Variants in LANCL3 observed in about 807,000 individuals in gnomAD.
LANCL3 encodes the protein lanC-like protein 3.
LANCL3 carries 19 observed loss-of-function variants against 26.5 expected under a neutral mutation model. The ratio of observed to expected loss-of-function variants is 0.72; its 90% CI spans 0.50 to 1.05. The LOEUF is 1.05. LANCL3 is among the 50% of genes least tolerant of loss of function. LANCL3 has a pLI of 0.00. For missense variants in LANCL3, 318 were observed against 362.7 expected, an observed-to-expected ratio of 0.88 and a Z score of 1.00; for synonymous variants, 160 against 166.6, an observed-to-expected ratio of 0.96 and a Z score of 0.30.
intron 4 of LANCL3, among the ~76,000 whole-genome samples, chrX:37,670,854 A>G (rs1556435894): frequency 9.0e-6 from 1 of 111,551 alleles, no homozygotes; most frequent in Non-Finnish European, 1.9e-5. Context: ...AACAAATGTC[A>G]TTGGTAAAGT....
chrX:37,643,499 T>G (rs1355323926), intron 1 of LANCL3, among the ~76,000 whole-genome samples: 1 of 112,131 alleles, frequency 8.9e-6, no homozygotes, highest in Admixed American at 9.5e-5. Flanking sequence ...CCAGAGAAGT[T>G]GCATGATTTG....
chrX:37,584,439 A>T (rs1249638641), intron 1 of LANCL3, among the ~76,000 whole-genome samples: 1 of 109,934 alleles, frequency 9.1e-6, no homozygotes, highest in Non-Finnish European at 1.9e-5. Flanking sequence ...CTGTGAATCC[A>T]TCTGGTCCTG....
intron 1 of LANCL3, among the ~76,000 whole-genome samples, chrX:37,647,851 G>T (rs1477486535): frequency 8.9e-6 from 1 of 112,819 alleles, no homozygotes; most frequent in Non-Finnish European, 1.9e-5. Flanking sequence ...GTTTCCTTGG[G>T]CTCTACCCAC....
At chrX:37,647,672 A>C (rs1445741914) in intron 1 of LANCL3, among the ~76,000 whole-genome samples, 1 of 112,457 alleles carries the variant, frequency 8.9e-6, no homozygotes, top group African/African-American at 3.2e-5. Context: ...GGACTCTTGC[A>C]TGATAATGTT....
chrX:37,618,005 G>A (rs1925056129), intron 1 of LANCL3, among the ~76,000 whole-genome samples: 1 of 112,043 alleles, frequency 8.9e-6, no homozygotes, highest in Non-Finnish European at 1.9e-5. Context: ...CCTGGAGCCA[G>A]CCTGCTCTGT....
chrX:37,575,507 C>T (rs1212812700), intron 1 of LANCL3, among the ~76,000 whole-genome samples: 1 of 111,235 alleles, frequency 9.0e-6, no homozygotes, highest in Non-Finnish European at 1.9e-5. Flanking sequence ...TTTTCCTTTA[C>T]GGTGGTAGTT....
intron 1 of LANCL3, among the ~76,000 whole-genome samples, chrX:37,615,850 A>C (rs1385304846): frequency 8.9e-6 from 1 of 112,189 alleles, no homozygotes; most frequent in Non-Finnish European, 1.9e-5. Flanking sequence ...CTGCTGATAT[A>C]AATATTTCTC....
chrX:37,657,129 C>T (rs1352254573), intron 2 of LANCL3, among the ~76,000 whole-genome samples: 3 of 112,650 alleles, frequency 2.7e-5, no homozygotes, highest in Non-Finnish European at 5.6e-5. Flanking sequence ...TATTCATCCA[C>T]CAACTCTCTG....
chrX:37,612,474 T>G (rs782322070), intron 1 of LANCL3, among the ~76,000 whole-genome samples: 1 of 111,990 alleles, frequency 8.9e-6, no homozygotes, highest in African/African-American at 3.2e-5. Context: ...TTTGGGAAAT[T>G]AGGAGTTTCT....
At chrX:37,666,134 A>G (rs1926540551) in intron 3 of LANCL3, among the ~76,000 whole-genome samples, 1 of 112,180 alleles carries the variant, frequency 8.9e-6, no homozygotes, top group South Asian at 3.7e-4. Flanking sequence ...TGACTCTCAT[A>G]CAAATATAAA....
intron 1 of LANCL3, among the ~76,000 whole-genome samples, chrX:37,619,712 G>T (rs1183226470): frequency 8.1e-5 from 9 of 111,498 alleles, no homozygotes; most frequent in Non-Finnish European, 1.7e-4. Context: ...AAGTTACTCC[G>T]CAGGTATCAG....
intron 1 of LANCL3, among the ~76,000 whole-genome samples, chrX:37,640,837 C>A (rs1357930207): frequency 9.0e-6 from 1 of 111,036 alleles, no homozygotes; most frequent in Non-Finnish European, 1.9e-5. Context: ...AATTTACCTT[C>A]TCTCCTCTTC....
chrX:37,641,639 G>T lies in LANCL3; in HGVS notation c.574-14049G>T, dbSNP rs544908641. ...TTCCCTTCTGCAATTATGACCTTCA[G>T]GGCATCCATCAATCCTACAGGCCCA... On this transcript the variant is annotated intron_variant, in intron 1 of 4. Transcript: ENST00000378619. 4.5e-5 allele frequency among the ~76,000 whole-genome samples: 5 copies of T among 111,390 alleles called. 1 individual carries two copies. In the South Asian group the frequency reaches 1.9e-3, roughly 42 times the overall value.
chrX:37,673,231 C>A (rs1556436772), intron 4 of LANCL3, among the ~76,000 whole-genome samples: 1 of 111,417 alleles, frequency 9.0e-6, no homozygotes, highest in Non-Finnish European at 1.9e-5. Flanking sequence ...TGAGCTGCAC[C>A]AGTGTTTTTT....
At chrX:37,580,425 T>C (rs1923864909) in intron 1 of LANCL3, among the ~76,000 whole-genome samples, 1 of 112,144 alleles carries the variant, frequency 8.9e-6, no homozygotes, top group African/African-American at 3.2e-5. Flanking sequence ...TTATCTTTAA[T>C]TCACAATCAT....
At position 37,572,085 on chromosome X, in the gene LANCL3, T is replaced by C; in HGVS notation, c.215T>C (p.Val72Ala). The part of the protein sequence containing the change: ...QGGLYGGVAG[V>A]AYMLYHVSQS... ...GGGCTTTATGGCGGCGTGGCCGGAGTGGCGTATATGCTCTACCACGTCTCG... is the reference window on the plus strand; with the variant it reads ...GGGCTTTATGGCGGCGTGGCCGGAGCGGCGTATATGCTCTACCACGTCTCG... The change falls in exon 1 of 5, where the codon GTG becomes GCG. Residue 72 changes from valine to alanine, a missense_variant. Val to Ala is a moderately conservative substitution (Grantham distance 64). Transcript: ENST00000378619. The C allele has an allele frequency of 8.5e-7, 1 of 1,178,428 alleles. No individual in the cohort carries two copies. The highest frequency in any genetic ancestry group is 1.1e-6 in the Non-Finnish European group (1 of 881,997).
intron 1 of LANCL3, among the ~76,000 whole-genome samples, chrX:37,597,388 G>T (rs1236267411): frequency 8.9e-6 from 1 of 111,901 alleles, no homozygotes; most frequent in Non-Finnish European, 1.9e-5. Flanking sequence ...GGAATTGCTG[G>T]ATCATAGGGC....
chrX:37,638,335 A>T lies in LANCL3; in HGVS notation c.574-17353A>T, dbSNP rs1925764451. On this transcript the variant is annotated intron_variant, in intron 1 of 4. Transcript: ENST00000378619. ...AGGCACCTGGTCAAAAGGGCAGGGG[A>T]AGTGAAATCCAGTCATGGTGTTCTG... is the stretch of plus-strand genomic sequence containing the variant. 1.8e-5 allele frequency among the ~76,000 whole-genome samples: 2 copies of T among 111,635 alleles called. 1 individual carries two copies. Among genetic ancestry groups the T allele is most frequent in the South Asian group, 7.6e-4 (2 of 2,631 alleles).
chrX:37,620,875 AC>A (rs1925135995), intron 1 of LANCL3, among the ~76,000 whole-genome samples: 1 of 110,897 alleles, frequency 9.0e-6, no homozygotes, highest in South Asian at 3.9e-4. Flanking sequence ...TTATCATTGA[AC>A]CCCACATGCC....
Sources: allele counts gnomAD v4.1 joint callset (sites outside exome capture counted in the v4.1 genomes callset), GRCh38; gene constraint gnomAD v4.1.1; transcripts MANE v1.5; gene names NCBI Gene and HGNC (gene_info 2026-07-23, HGNC 2026-07-21).